The following F13B variants were observed in gnomAD, a reference collection of about 807,000 sequenced individuals.
The protein encoded by F13B is coagulation factor XIII B chain, also known as TGase.
Under a neutral mutation model 79.8 loss-of-function variants are expected in F13B, and 58 were observed. The observed-to-expected ratio is 0.73, with a 90% confidence interval of 0.59 to 0.90. The LOEUF (loss-of-function observed/expected upper bound fraction) is 0.90, where lower values mean the gene tolerates loss of function less well. F13B is among the 40% of genes least tolerant of loss of function. The pLI, the probability that F13B is intolerant of heterozygous loss-of-function variation, is 0.00. For missense variants in F13B, 773 were observed against 777.0 expected (o/e 0.99, Z 0.06); for synonymous variants, 283 against 260.3 (o/e 1.09, Z -0.84).
chr1:197,066,250 T>C (rs1656045726), intron 1 of F13B, among the ~76,000 whole-genome samples: 1 of 152,206 alleles, frequency 6.6e-6, no homozygotes. Flanking sequence ...AGAAAATTTA[T>C]AGTTAACTAT....
At chr1:197,049,465 TTAG>T (rs1655361373) in intron 10 of F13B, among the ~76,000 whole-genome samples, 1 of 151,982 alleles carries the variant, frequency 6.6e-6, no homozygotes, top group Admixed American at 6.6e-5. Context: ...CTACTTTATG[TTAG>T]TAGATTTGAC....
chr1:197,051,307 C>G (rs1047637209), intron 9 of F13B, among the ~76,000 whole-genome samples: 5 of 152,054 alleles, frequency 3.3e-5, no homozygotes, highest in African/African-American at 1.2e-4. Flanking sequence ...TAATTAGAAT[C>G]CCACGTTATA....
At position 197,057,404 on chromosome 1, in the gene F13B, T is replaced by G. The variant is rs1396457872; in HGVS notation, c.867A>C (p.Ser289=). Residue 289 remains serine, a synonymous_variant, in exon 6 of 12, where the codon TCA becomes TCC. Coordinates refer to ENST00000367412, the MANE Select transcript of F13B (RefSeq NM_001994.3). ...LPINSKIQTH[S]TTYRHGEIVH... ...CTATTTCTCCATGACGATAAGTTGTTGAATGTGTTTGAATTTTGGAGTTTA... is the reference window on the plus strand; with the variant it reads ...CTATTTCTCCATGACGATAAGTTGTGGAATGTGTTTGAATTTTGGAGTTTA... 1 of 1,613,966 alleles carries G rather than the reference T, an allele frequency of 6.2e-7. No individual in the cohort carries two copies. The highest frequency in any genetic ancestry group is 8.5e-7 in the Non-Finnish European group (1 of 1,179,898).
chr1:197,046,883 C>A (rs922718424), intron 10 of F13B, among the ~76,000 whole-genome samples: 7 of 152,146 alleles, frequency 4.6e-5, no homozygotes, highest in African/African-American at 1.7e-4. Flanking sequence ...TGATGTTTGA[C>A]AAACCTGACA....
chr1:197,061,723 A>G, intron 3 of F13B, 61 bp downstream of exon 3: 1 of 1,322,790 alleles, frequency 7.6e-7, no homozygotes, highest in Non-Finnish European at 1.1e-6. Context: ...TATAAGCTTC[A>G]ATATATTCAA....
chr1:197,054,433 T>C (rs936859840), intron 8 of F13B, among the ~76,000 whole-genome samples: 9 of 151,984 alleles, frequency 5.9e-5, no homozygotes, highest in South Asian at 4.1e-4. Context: ...GGGAATCGAC[T>C]CCTAAGAATT....
chr1:197,047,816 A>G (rs1206530450), intron 10 of F13B, among the ~76,000 whole-genome samples: 1 of 152,196 alleles, frequency 6.6e-6, no homozygotes, highest in Non-Finnish European at 1.5e-5. Flanking sequence ...AGCCATTAAA[A>G]AGGATGAGTT....
intron 1 of F13B, among the ~76,000 whole-genome samples, chr1:197,063,742 C>G (rs1481961457): frequency 6.6e-6 from 1 of 152,096 alleles, no homozygotes; most frequent in East Asian, 1.9e-4. Flanking sequence ...TTTTATTTAA[C>G]CCAATATATT....
chr1:197,061,467 G>A (rs1655859966), intron 3 of F13B, among the ~76,000 whole-genome samples: 1 of 152,000 alleles, frequency 6.6e-6, no homozygotes, highest in African/African-American at 2.4e-5. Flanking sequence ...ATAAAATAAT[G>A]TACATGATCT....
chr1:197,044,814 G>T (rs1655170034), intron 10 of F13B, among the ~76,000 whole-genome samples: 2 of 152,096 alleles, frequency 1.3e-5, no homozygotes, highest in Admixed American at 1.3e-4. Flanking sequence ...CTGTCTCTCA[G>T]ACCACAGTGC....
At chr1:197,050,632 A>C (rs753831099) in intron 10 of F13B, 65 bp downstream of exon 10, 45 of 1,460,788 alleles carry the variant, frequency 3.1e-5, no homozygotes, top group Non-Finnish European at 4.1e-5. Flanking sequence ...ATGTTAACTC[A>C]AAAATGACAG....
At chr1:197,054,801 C>T (rs1012751776) in intron 8 of F13B, among the ~76,000 whole-genome samples, 6 of 151,856 alleles carry the variant, frequency 4.0e-5, no homozygotes, top group African/African-American at 1.2e-4. Context: ...CTTTAATTCA[C>T]TTATGGTAGG....
chr1:197,062,811 T>G (rs771379210), intron 2 of F13B, 46 bp downstream of exon 2: 1 of 1,586,600 alleles, frequency 6.3e-7, no homozygotes, highest in Non-Finnish European at 8.7e-7. Flanking sequence ...TATATACAAA[T>G]TTCTTTGAGT....
At chr1:197,043,380 C>T (rs1261013669) in intron 10 of F13B, among the ~76,000 whole-genome samples, 1 of 152,154 alleles carries the variant, frequency 6.6e-6, no homozygotes, top group Non-Finnish European at 1.5e-5. Flanking sequence ...TTGGAGTAAG[C>T]TGACATCATC....
chr1:197,062,062 G>C, intron 2 of F13B, 93 bp from the exon 3 acceptor site: 1 of 1,098,736 alleles, frequency 9.1e-7, no homozygotes, highest in South Asian at 1.4e-5. Flanking sequence ...TGTTATTATT[G>C]GCGATTTCAT....
rs542659628 is a variant in F13B, at chr1:197,060,614, AC to A, written c.629-73del. On this transcript the variant is annotated intron_variant, in intron 4 of 11. Transcript: ENST00000367412. ...TCTGCTACAACAAAATGCACTATTTACATGACATAACTAGAATAGAAATTAA... is the reference window on the plus strand; with the variant it reads ...TCTGCTACAACAAAATGCACTATTTAATGACATAACTAGAATAGAAATTAA... 484 of 1,047,874 alleles carry A rather than the reference AC, an allele frequency of 4.6e-4. 3 individuals are homozygous for A. The South Asian group carries it at 6.6e-3, about 14-fold the overall frequency. The allele number at this position is 1,047,874 out of a possible 1,614,324, so 64.9% of individuals were successfully genotyped here.
chr1:197,060,462 C>A lies in F13B; in HGVS notation c.709G>T (p.Val237Phe). ...VKQTYEEGDV[V>F]QFFCHENYYL... ...TAATTTTCATGACAGAAAAACTGAA[C>A]GACATCTCCTTCTTCATAGGTTTGC... Residue 237 changes from valine (V) to phenylalanine (F), a missense_variant, in exon 5 of 12, where the codon GTT becomes TTT. Transcript: ENST00000367412. 4.4e-6 allele frequency: 7 copies of A among 1,607,714 alleles called. No homozygotes were observed. Among genetic ancestry groups the A allele is most frequent in the Non-Finnish European group, 6.0e-6 (7 of 1,176,040 alleles).
chr1:197,062,992 T>A lies in F13B; in HGVS notation c.130A>T (p.Ser44Cys). 6.2e-7 allele frequency: 1 copy of A among 1,613,710 alleles called. No homozygotes were observed. Among genetic ancestry groups the A allele is most frequent in the Non-Finnish European group, 8.5e-7 (1 of 1,179,754 alleles). Residue 44 changes from serine to cysteine, a missense_variant, in exon 2 of 12, where the codon AGC becomes TGC. Ser to Cys is a moderately radical substitution (Grantham distance 112, BLOSUM62 -1). Coordinates refer to ENST00000367412, the MANE Select transcript of F13B (RefSeq NM_001994.3). Reference protein sequence around the residue: ...RIAQYYYTFKSFYFPMSIDKK... With the variant: ...RIAQYYYTFKCFYFPMSIDKK... ...TCTATGCTCATTGGAAAGTAAAAGCTTTTAAAAGTATAGTAATATTGGGCA... is the reference window on the plus strand; with the variant it reads ...TCTATGCTCATTGGAAAGTAAAAGCATTTAAAAGTATAGTAATATTGGGCA...
At chr1:197,040,773 A>C in intron 10 of F13B, 38 bp from the exon 11 acceptor site, 2 of 1,508,560 alleles carry the variant, frequency 1.3e-6, no homozygotes, top group Non-Finnish European at 1.8e-6. Context: ...AAGAAAAAGA[A>C]GAAAACTATC....
Sources: gnomAD v4.1 joint callset for allele counts (sites outside exome capture counted in the v4.1 genomes callset) on GRCh38, gnomAD v4.1.1 for gene constraint, MANE v1.5 for transcripts, NCBI Gene and HGNC (gene_info 2026-07-23, HGNC 2026-07-21) for gene names.